The following RNLS variants were observed in gnomAD, a reference collection of about 807,000 sequenced individuals.
RNLS encodes the protein renalase, FAD dependent amine oxidase, also known as renalase.
A neutral mutation model predicts 39.8 loss-of-function variants in RNLS; 39 were observed. The observed-to-expected ratio is 0.98, with a 90% confidence interval of 0.76 to 1.28. The LOEUF (loss-of-function observed/expected upper bound fraction) is 1.28, where lower values mean the gene tolerates loss of function less well. Ranked by LOEUF, RNLS falls within the 50% of genes most tolerant of loss-of-function variation. The probability of loss-of-function intolerance (pLI) is 0.00; values close to 1 mark genes in which losing one functional copy is unlikely to be tolerated. For missense variants in RNLS, 410 were observed against 413.3 expected (o/e 0.99, Z 0.07); for synonymous variants, 147 against 150.7 (o/e 0.98, Z 0.18).
At chr10:88,405,259 T>C (rs1469387486) in intron 4 of RNLS, among the ~76,000 whole-genome samples, 1 of 152,052 alleles carries the variant, frequency 6.6e-6, no homozygotes, top group Admixed American at 6.6e-5. Flanking sequence ...TTCGGGCAGA[T>C]GTAGATCAGA....
the RNLS span, among the ~76,000 whole-genome samples, chr10:88,171,897 G>A: frequency 2.0e-5 from 3 of 151,966 alleles, no homozygotes; most frequent in African/African-American, 7.3e-5. Flanking sequence ...ACTTCTGTGT[G>A]CTTAACTTCA....
At position 88,572,716 on chromosome 10, in the gene RNLS, A is replaced by C. The variant is rs549992785; in HGVS notation, c.526+187T>G. On this transcript the variant is annotated intron_variant, in intron 4 of 6. Transcript: ENST00000331772. Reference sequence around the variant, plus strand: ...GTGTTCAACTTTTAACCAGCTTTAAAAACATTCTATGGGTTTCACCTTGGC... The same window carrying C: ...GTGTTCAACTTTTAACCAGCTTTAACAACATTCTATGGGTTTCACCTTGGC... Among the ~76,000 whole-genome samples the C allele has an allele frequency of 3.9e-5, 6 of 152,360 alleles. No individual in the cohort carries two copies. In the South Asian group the frequency reaches 6.2e-4, roughly 16 times the overall value.
At chr10:88,239,150 A>G in the RNLS span, among the ~76,000 whole-genome samples, 1 of 152,124 alleles carries the variant, frequency 6.6e-6, no homozygotes, top group Non-Finnish European at 1.5e-5. Context: ...GCTCTCCTGA[A>G]ATGTTTGATC....
At chr10:88,261,003 G>A in the RNLS span, among the ~76,000 whole-genome samples, 1 of 152,182 alleles carries the variant, frequency 6.6e-6, no homozygotes, top group Non-Finnish European at 1.5e-5. Context: ...GTAGAATTAG[G>A]GGATGGAGAT....
the RNLS span, among the ~76,000 whole-genome samples, chr10:88,256,688 G>C: frequency 6.6e-6 from 1 of 152,106 alleles, no homozygotes; most frequent in East Asian, 1.9e-4. Context: ...TACGAAAGAG[G>C]CTGCTTGCTT....
intron 4 of RNLS, among the ~76,000 whole-genome samples, chr10:88,506,004 C>T (rs769542757): frequency 3.9e-5 from 6 of 152,082 alleles, no homozygotes; most frequent in Non-Finnish European, 7.4e-5. Context: ...AACACAGACC[C>T]CAGGAACTCT....
intron 4 of RNLS, among the ~76,000 whole-genome samples, chr10:88,485,778 A>G (rs1844470135): frequency 6.6e-6 from 1 of 151,986 alleles, no homozygotes; most frequent in Non-Finnish European, 1.5e-5. Context: ...ACTTGTATCT[A>G]AAAAATAGAG....
chr10:88,188,633 T>A, the RNLS span, among the ~76,000 whole-genome samples: 1 of 152,242 alleles, frequency 6.6e-6, no homozygotes, highest in Non-Finnish European at 1.5e-5. Flanking sequence ...ACATAATTAC[T>A]GTATAAACAC....
intron 5 of RNLS, among the ~76,000 whole-genome samples, chr10:88,354,032 C>T (rs1848943764): frequency 6.6e-6 from 1 of 152,146 alleles, no homozygotes; most frequent in Admixed American, 6.5e-5. Flanking sequence ...AGGATTGCAA[C>T]CCCTGCCTTT....
chr10:88,303,062 T>C (rs1241207693), intron 6 of RNLS, among the ~76,000 whole-genome samples: 2 of 152,200 alleles, frequency 1.3e-5, no homozygotes, highest in African/African-American at 4.8e-5. Flanking sequence ...CCTGGACTCA[T>C]TCCTGGCCAC....
At position 88,275,183 on chromosome 10, in the gene RNLS, A is replaced by G. The variant is rs1372065216; in HGVS notation, c.877-151T>C. 13 of 529,356 alleles carry G rather than the reference A, an allele frequency of 2.5e-5. 1 individual carries two copies. The highest frequency in any genetic ancestry group is 4.0e-5 in the Non-Finnish European group (12 of 296,330). The allele number at this position is 529,356 out of a possible 1,614,324, so 32.8% of individuals were successfully genotyped here. A position where few individuals can be genotyped will look rare whatever the true frequency, so the allele number is the denominator to read the frequency against. On this transcript the variant is annotated intron_variant, in intron 6 of 6. Coordinates refer to the RNLS transcript ENST00000371947. ...TCTGGCTCTATAGGTGGTCTTGCTA[A>G]CTTTTTGAGGAGCTGCCACCAAGCA... is the stretch of plus-strand genomic sequence containing the variant.
chr10:88,526,918 G>A (rs1288529554), intron 4 of RNLS, among the ~76,000 whole-genome samples: 1 of 148,360 alleles, frequency 6.7e-6, no homozygotes, highest in Non-Finnish European at 1.5e-5. Context: ...GGAGGCACCA[G>A]GTGTCTCTGG....
At chr10:88,422,691 A>G (rs1005397260) in intron 4 of RNLS, among the ~76,000 whole-genome samples, 3 of 152,104 alleles carry the variant, frequency 2.0e-5, no homozygotes, top group Non-Finnish European at 4.4e-5. Context: ...AAAAAGAACA[A>G]TGGAAGAAAT....
At position 88,558,423 on chromosome 10, in the gene RNLS, TATC is replaced by T. The variant is rs138747078; in HGVS notation, c.526+14477_526+14479del. On this transcript the variant is annotated intron_variant, in intron 4 of 6. Coordinates refer to ENST00000331772, the MANE Select transcript of RNLS (RefSeq NM_001031709.3). Reference sequence around the variant, plus strand: ...CACAAAATTGTGTTGATATTGGAATTATCATCATCTTCCAGCTATCCTCAACTT... The same window carrying T: ...CACAAAATTGTGTTGATATTGGAATTATCATCTTCCAGCTATCCTCAACTT... Among the ~76,000 whole-genome samples, 846 of 152,328 alleles carry T rather than the reference TATC, an allele frequency of 5.6e-3. 6 individuals carry two copies. The highest frequency in any genetic ancestry group is 0.019 in the African/African-American group (780 of 41,576).
At chr10:88,504,821 G>A (rs1448470499) in intron 4 of RNLS, among the ~76,000 whole-genome samples, 2 of 149,814 alleles carry the variant, frequency 1.3e-5, no homozygotes, top group East Asian at 2.0e-4. Flanking sequence ...ATGTATTGGA[G>A]CAAATTAGAG....
chr10:88,520,369 A>T (rs1846653243), intron 4 of RNLS, among the ~76,000 whole-genome samples: 1 of 151,952 alleles, frequency 6.6e-6, no homozygotes, highest in Non-Finnish European at 1.5e-5. Flanking sequence ...CCTGGGAAGG[A>T]GTTCTCTCCC....
chr10:88,469,822 CGTGTGTGTGTGTGTGTGT>C lies in RNLS; in HGVS notation c.526+103063_526+103080del, dbSNP rs199651876. Among the ~76,000 whole-genome samples the C allele has an allele frequency of 1.8e-4, 25 of 138,202 alleles. No homozygotes were observed. In the East Asian group the frequency reaches 2.1e-3, roughly 12 times the overall value. 90.7% of individuals were successfully genotyped at this position (138,202 alleles called of 152,430 possible). A position where few individuals can be genotyped will look rare whatever the true frequency, so the allele number is the denominator to read the frequency against. On this transcript the variant is annotated intron_variant, in intron 4 of 6. Coordinates refer to ENST00000331772, the MANE Select transcript of RNLS (RefSeq NM_001031709.3). Reference sequence around the variant, plus strand: ...ATGGGTCAATATTTTTATGTGTGTGCGTGTGTGTGTGTGTGTGTGTGTGTGTGTGTGTGTGTGTGCTTT... The same window carrying C: ...ATGGGTCAATATTTTTATGTGTGTGCGTGTGTGTGTGTGTGTGTGTGCTTT...
chr10:88,216,852 A>G, the RNLS span, among the ~76,000 whole-genome samples: 1 of 152,170 alleles, frequency 6.6e-6, no homozygotes, highest in African/African-American at 2.4e-5. Flanking sequence ...AAATAATCCA[A>G]CTCCACGATG....
At chr10:88,402,108 A>T (rs2133645380) in intron 4 of RNLS, among the ~76,000 whole-genome samples, 1 of 152,058 alleles carries the variant, frequency 6.6e-6, no homozygotes, top group South Asian at 2.1e-4. Context: ...GGATTTTTTT[A>T]TCATGCCTTT....
Sources: allele counts gnomAD v4.1 joint callset (sites outside exome capture counted in the v4.1 genomes callset), GRCh38; gene constraint gnomAD v4.1.1; transcripts MANE v1.5; gene names NCBI Gene and HGNC (gene_info 2026-07-23, HGNC 2026-07-21).